RORB: variants seen among roughly 807,000 people sequenced by gnomAD.
RORB encodes RAR related orphan receptor B, also known as nuclear receptor ROR-beta.
Under a neutral mutation model 59.1 loss-of-function variants are expected in RORB, and 6 were observed. The ratio of observed to expected loss-of-function variants is 0.10; its 90% CI spans 0.06 to 0.20. The LOEUF (loss-of-function observed/expected upper bound fraction) is 0.20, where lower values mean the gene tolerates loss of function less well. Among genes scored for constraint, RORB ranks in the 10% least tolerant of loss-of-function variants. RORB has a pLI of 1.00. For missense variants in RORB, 320 were observed against 560.5 expected, an observed-to-expected ratio of 0.57 and a Z score of 4.33; for synonymous variants, 215 against 204.5, an observed-to-expected ratio of 1.05 and a Z score of -0.44.
chr9:74,524,093 C>A (rs747534901), intron 1 of RORB, among the ~76,000 whole-genome samples: 1 of 144,410 alleles, frequency 6.9e-6, no homozygotes, highest in Non-Finnish European at 1.5e-5. Context: ...AATATCTCAT[C>A]ATCTACAGAA....
chr9:74,593,193 G>A (rs750316219), intron 1 of RORB, among the ~76,000 whole-genome samples: 4 of 152,060 alleles, frequency 2.6e-5, no homozygotes, highest in Non-Finnish European at 5.9e-5. Context: ...GAGGCCGGGC[G>A]CGGTGGCACA....
chr9:74,648,170 G>A (rs1465226885), intron 4 of RORB, among the ~76,000 whole-genome samples: 5 of 152,160 alleles, frequency 3.3e-5, no homozygotes, highest in Admixed American at 1.3e-4. Context: ...GGAAAATTCA[G>A]TGTTTAGCTC....
At chr9:74,602,578 C>T (rs1265614557) in intron 1 of RORB, among the ~76,000 whole-genome samples, 2 of 152,182 alleles carry the variant, frequency 1.3e-5, no homozygotes, top group Non-Finnish European at 2.9e-5. Context: ...ACCTTACTAA[C>T]AGACTGTTAT....
intron 1 of RORB, among the ~76,000 whole-genome samples, chr9:74,590,253 C>G (rs1361867063): frequency 2.0e-5 from 3 of 152,156 alleles, no homozygotes; most frequent in Non-Finnish European, 4.4e-5. Context: ...TTATTTACCA[C>G]TCTATTCTCA....
At chr9:74,522,037 T>C (rs1015122446) in intron 1 of RORB, among the ~76,000 whole-genome samples, 10 of 151,944 alleles carry the variant, frequency 6.6e-5, no homozygotes, top group Admixed American at 5.9e-4. Flanking sequence ...ACACCACTGA[T>C]ACATTCAATG....
At chr9:74,615,470 C>G (rs540779875) in intron 1 of RORB, 3 of 235,700 alleles carry the variant, frequency 1.3e-5, no homozygotes, top group South Asian at 4.4e-5. Context: ...GCCTTTAACT[C>G]CTCTTTCATT....
At chr9:74,604,024 A>T (rs1187472881) in intron 1 of RORB, among the ~76,000 whole-genome samples, 1 of 147,970 alleles carries the variant, frequency 6.8e-6, no homozygotes, top group Non-Finnish European at 1.5e-5. Context: ...GTTCTTGTAT[A>T]TGGAAAGGTA....
intron 1 of RORB, among the ~76,000 whole-genome samples, chr9:74,602,100 A>G (rs1169594674): frequency 6.6e-6 from 1 of 152,140 alleles, no homozygotes; most frequent in Non-Finnish European, 1.5e-5. Context: ...GGTCCCCATC[A>G]ACATCATTGC....
rs1039572727 is a variant in RORB, at chr9:74,692,927, T to G, written c.*7309T>G. On this transcript the variant is annotated 3_prime_UTR_variant, in exon 10 of 10. Coordinates refer to ENST00000376896, the MANE Select transcript of RORB (RefSeq NM_006914.4). ...CCTGAGTCATTTAGGAAGTAAGTAT[T>G]GAGTTTTTTTAATCATAAATATACT... 2.6e-5 allele frequency: 4 copies of G among 152,176 alleles called. No individual in the cohort carries two copies. Among genetic ancestry groups the G allele is most frequent in the Admixed American group, 2.6e-4 (4 of 15,276 alleles). The allele number at this position is 152,176 out of a possible 1,614,324, so 9.4% of individuals were successfully genotyped here.
At chr9:74,626,925 A>T (rs1823527786) in intron 1 of RORB, among the ~76,000 whole-genome samples, 1 of 152,210 alleles carries the variant, frequency 6.6e-6, no homozygotes, top group South Asian at 2.1e-4. Flanking sequence ...GCACTTTGGG[A>T]GGCCAAAGCA....
intron 1 of RORB, among the ~76,000 whole-genome samples, chr9:74,608,010 G>T (rs1823175869): frequency 6.6e-6 from 1 of 152,148 alleles, no homozygotes; most frequent in African/African-American, 2.4e-5. Flanking sequence ...TTGAATACAT[G>T]CTGAATGAGA....
chr9:74,656,042 A>G lies in RORB; in HGVS notation c.638-4575A>G, dbSNP rs377086056. ...ACAAGGATATGGAAAATAATTTTGC[A>G]TGCTTACCATTTGACTTCAAAGCCA... is the stretch of plus-strand genomic sequence containing the variant. On this transcript the variant is annotated intron_variant, in intron 4 of 9. Transcript: ENST00000376896. Among the ~76,000 whole-genome samples the G allele has an allele frequency of 8.5e-5, 13 of 152,364 alleles. No individual in the cohort carries two copies. The East Asian group carries it at 2.5e-3, about 29-fold the overall frequency.
chr9:74,632,725 A>C (rs1823639395), intron 2 of RORB, among the ~76,000 whole-genome samples: 1 of 152,202 alleles, frequency 6.6e-6, no homozygotes, highest in Admixed American at 6.5e-5. Context: ...GTAGCACTAG[A>C]GTATCCAAAG....
chr9:74,520,164 G>T (rs1055886568), intron 1 of RORB, among the ~76,000 whole-genome samples: 1 of 151,778 alleles, frequency 6.6e-6, no homozygotes, highest in Non-Finnish European at 1.5e-5. Flanking sequence ...AAAAATCAGC[G>T]GCTTAACCAG....
chr9:74,533,320 A>G (rs532721064), intron 1 of RORB, among the ~76,000 whole-genome samples: 9 of 152,118 alleles, frequency 5.9e-5, no homozygotes, highest in Non-Finnish European at 1.2e-4. Flanking sequence ...GCAGGACTTT[A>G]TAGTTCCACA....
At chr9:74,502,351 G>A (rs1022156440) in intron 1 of RORB, among the ~76,000 whole-genome samples, 1 of 151,704 alleles carries the variant, frequency 6.6e-6, no homozygotes, top group Non-Finnish European at 1.5e-5. Flanking sequence ...TTGTCAACAG[G>A]GATTTAATAC....
chr9:74,532,363 T>C (rs756105320), intron 1 of RORB, among the ~76,000 whole-genome samples: 2 of 151,860 alleles, frequency 1.3e-5, no homozygotes, highest in Non-Finnish European at 2.9e-5. Flanking sequence ...CCCTTCCCAC[T>C]CTCCTTCACT....
At chr9:74,514,187 T>G (rs1825978972) in intron 1 of RORB, among the ~76,000 whole-genome samples, 1 of 152,122 alleles carries the variant, frequency 6.6e-6, no homozygotes, top group South Asian at 2.1e-4. Flanking sequence ...GTGCTAGTTT[T>G]CTAAAGAAAT....
intron 9 of RORB, among the ~76,000 whole-genome samples, chr9:74,680,117 A>G (rs1363041647): frequency 6.6e-6 from 1 of 152,194 alleles, no homozygotes; most frequent in Non-Finnish European, 1.5e-5. Flanking sequence ...AAATAAATAA[A>G]TAAGTACTCT....
Sources: gnomAD v4.1 joint callset for allele counts (sites outside exome capture counted in the v4.1 genomes callset) on GRCh38, gnomAD v4.1.1 for gene constraint, MANE v1.5 for transcripts, NCBI Gene and HGNC (gene_info 2026-07-23, HGNC 2026-07-21) for gene names.